ZNF653: variants seen among roughly 807,000 people sequenced by gnomAD.
ZNF653 encodes the protein zinc finger protein 653, also known as 67 kDa zinc finger protein.
ZNF653 carries 37 observed loss-of-function variants against 59.9 expected under a neutral mutation model. That is an observed-to-expected ratio of 0.62 (90% CI 0.48 to 0.81). The LOEUF is 0.81. Among genes scored for constraint, ZNF653 ranks in the 40% least tolerant of loss-of-function variants. ZNF653 has a pLI of 0.00. For synonymous variants in ZNF653, 435 were observed against 371.8 expected, an observed-to-expected ratio of 1.17 and a Z score of -1.96; for missense variants, 808 against 881.1, an observed-to-expected ratio of 0.92 and a Z score of 1.05.
intron 2 of ZNF653, among the ~76,000 whole-genome samples, chr19:11,497,861 G>A (rs981654740): frequency 7.2e-5 from 11 of 152,192 alleles, no homozygotes; most frequent in African/African-American, 2.7e-4. Context: ...AACCTAAGAA[G>A]GGAGGGGCTC....
At chr19:11,501,717 T>C (rs1046513525) in intron 1 of ZNF653, among the ~76,000 whole-genome samples, 1 of 152,094 alleles carries the variant, frequency 6.6e-6, no homozygotes, top group Non-Finnish European at 1.5e-5. Context: ...GGCTGCTGCT[T>C]CTCCCTCACC....
At chr19:11,491,092 C>G (rs1424791135) in intron 3 of ZNF653, among the ~76,000 whole-genome samples, 1 of 152,256 alleles carries the variant, frequency 6.6e-6, no homozygotes, top group Admixed American at 6.5e-5. Context: ...CACCGGCCCC[C>G]TGCCAGGGCC....
At chr19:11,490,252 G>A (rs1406649913) in intron 3 of ZNF653, among the ~76,000 whole-genome samples, 1 of 152,224 alleles carries the variant, frequency 6.6e-6, no homozygotes, top group Non-Finnish European at 1.5e-5. Context: ...AAAGGGAAGA[G>A]ATGCACAGGG....
rs891734599 is a variant in ZNF653, at chr19:11,485,537, G to A, written c.1570+119C>T. On this transcript the variant is annotated intron_variant, in intron 7 of 8. Transcript: ENST00000293771. Reference sequence around the variant, plus strand: ...TGAGGACAGGGAGGAGGCTCCTAGGGGTGTAGTCCTGTGCCCGGAGACCCA... The same window carrying A: ...TGAGGACAGGGAGGAGGCTCCTAGGAGTGTAGTCCTGTGCCCGGAGACCCA... The A allele has an allele frequency of 5.6e-6, 4 of 711,584 alleles. No individual in the cohort carries two copies. In the South Asian group the frequency reaches 6.7e-5, roughly 12 times the overall value. The allele number at this position is 711,584 out of a possible 1,614,324, so 44.1% of individuals were successfully genotyped here. A position where few individuals can be genotyped will look rare whatever the true frequency, so the allele number is the denominator to read the frequency against.
intron 2 of ZNF653, among the ~76,000 whole-genome samples, chr19:11,497,904 A>G (rs72992994): frequency 0.02 from 3,057 of 152,280 alleles, 47 homozygotes; most frequent in African/African-American, 0.044. Context: ...CCTGCTGGAC[A>G]TGGCCTGGGA....
rs71166604 is a variant in ZNF653 at position 11,494,327 on chromosome 19, GATAACATAACATAACATAAC to G, written c.559+1603_559+1622del. Among the ~76,000 whole-genome samples the G allele has an allele frequency of 2.9e-4, 41 of 139,674 alleles. No individual in the cohort carries two copies. In the South Asian group the frequency reaches 3.3e-3, roughly 11 times the overall value. The allele number at this position is 139,674 out of a possible 152,430, so 91.6% of individuals were successfully genotyped here. On this transcript the variant is annotated intron_variant, in intron 3 of 8. Coordinates refer to ENST00000293771, the MANE Select transcript of ZNF653 (RefSeq NM_138783.4). ...ACAGAGACAGAATCTGTCTCAAAAAGATAACATAACATAACATAACATAACATAACATAACATAACATAAC... is the reference window on the plus strand; with the variant it reads ...ACAGAGACAGAATCTGTCTCAAAAAGATAACATAACATAACATAACATAAC...
At chr19:11,494,175 A>C (rs1234581349) in intron 3 of ZNF653, among the ~76,000 whole-genome samples, 1 of 152,056 alleles carries the variant, frequency 6.6e-6, no homozygotes, top group African/African-American at 2.4e-5. Flanking sequence ...TACAAAAATT[A>C]GCTGGGCATG....
intron 3 of ZNF653, among the ~76,000 whole-genome samples, chr19:11,492,282 ATCCACTCACCTTAGCC>A (rs1971537477): frequency 6.6e-6 from 1 of 151,846 alleles, no homozygotes; most frequent in African/African-American, 2.4e-5. Context: ...ACCTCAAGTG[ATCCACTCACCTTAGCC>A]TCCCAAAGTG....
chr19:11,493,416 A>C (rs1971549750), intron 3 of ZNF653, among the ~76,000 whole-genome samples: 1 of 152,148 alleles, frequency 6.6e-6, no homozygotes, highest in South Asian at 2.1e-4. Flanking sequence ...TAGGAGATTA[A>C]AAGTATGTAC....
intron 3 of ZNF653, among the ~76,000 whole-genome samples, chr19:11,493,335 G>A (rs1337622179): frequency 6.6e-6 from 1 of 152,116 alleles, no homozygotes; most frequent in Non-Finnish European, 1.5e-5. Flanking sequence ...TGGGATTACA[G>A]GTGTGAGCCA....
chr19:11,504,707 A>G (rs1971688673), intron 1 of ZNF653: 1 of 313,406 alleles, frequency 3.2e-6, no homozygotes, highest in South Asian at 1.3e-4. Context: ...TACGGAATAA[A>G]CGTCATCCTC....
chr19:11,491,725 C>T (rs907457907), intron 3 of ZNF653, among the ~76,000 whole-genome samples: 2 of 151,972 alleles, frequency 1.3e-5, no homozygotes, highest in African/African-American at 4.8e-5. Context: ...GTAGCTGGGA[C>T]TACAGGTGCC....
chr19:11,499,365 CTG>C (rs1167611567), intron 1 of ZNF653, among the ~76,000 whole-genome samples: 56 of 152,274 alleles, frequency 3.7e-4, no homozygotes, highest in African/African-American at 1.2e-3. Flanking sequence ...GGTTAGGTGA[CTG>C]TGAGTTAATC....
In ZNF653 at chr19:11,495,229, G is replaced by A. The variant is rs1971573770; in HGVS notation, c.559+721C>T. Among the ~76,000 whole-genome samples, 1 of 152,088 alleles carries A rather than the reference G, an allele frequency of 6.6e-6. No individual in the cohort carries two copies. Among genetic ancestry groups the A allele is most frequent in the Non-Finnish European group, 1.5e-5 (1 of 68,004 alleles). On this transcript the variant is annotated intron_variant, in intron 3 of 8. Coordinates refer to ENST00000293771, the MANE Select transcript of ZNF653 (RefSeq NM_138783.4). This position sits in a 1 kb window ranked among gnomAD's most constrained non-coding sequence, Gnocchi z 4.9. ...CGGCAGCCCCCTCACCACTCACCGG[G>A]GCCAACTGAGCCTCCCTCACTGAGT...
At position 11,487,554 on chromosome 19, in the gene ZNF653, C is replaced by T. The variant is rs1277847714; in HGVS notation, c.909G>A (p.Glu303=). 1 of 1,613,966 alleles carries T rather than the reference C, an allele frequency of 6.2e-7. No individual in the cohort carries two copies. The highest frequency in any genetic ancestry group is 8.5e-7 in the Non-Finnish European group (1 of 1,179,990). The change falls in exon 4 of 9, where the codon GAG becomes GAA. Residue 303 remains glutamate, a synonymous_variant. Coordinates refer to ENST00000293771, the MANE Select transcript of ZNF653 (RefSeq NM_138783.4). This position sits in a 1 kb window ranked among gnomAD's most constrained non-coding sequence, Gnocchi z 5.1. ...FENVPQEALG[E]VVASCPMPGM... ...CTGGCATGGGGCAGCTGGCCACCAC[C>T]TCACCCAGGGCCTCCTGGGGCACGT...
chr19:11,487,022 T>C lies in ZNF653; in HGVS notation c.1308A>G (p.Ser436=). The C allele has an allele frequency of 1.9e-6, 3 of 1,614,140 alleles. No homozygotes were observed. Among genetic ancestry groups the C allele is most frequent in the Middle Eastern group, 3.3e-4 (2 of 6,062 alleles). Residue 436 remains serine (S), a synonymous_variant, in exon 5 of 9, where the codon TCA becomes TCG. Transcript: ENST00000293771. This position sits in a 1 kb window ranked among gnomAD's most constrained non-coding sequence, Gnocchi z 5.1. ...CCTTGGGGATTTCATAGATGATGGC[T>C]GACATGTCGCTGCCGTCCAGCTCCT... ...DGEELDGSDM[S]AIIYEIPKEP...
At chr19:11,490,221 G>A (rs115933849) in intron 3 of ZNF653, among the ~76,000 whole-genome samples, 1,745 of 152,302 alleles carry the variant, frequency 0.011, 30 homozygotes, top group African/African-American at 0.04. Flanking sequence ...TTATTACAAA[G>A]GATTCAACTC....
chr19:11,496,156 C>T lies in ZNF653; in HGVS notation c.353G>A (p.Arg118His), dbSNP rs752505806. ...KKPKRKKRRR[R>H]NVNCLKNVVI... ...CACGTTCTTCAGGCAGTTCACGTTG[C>T]GTCGCCGCCCTATGGACACAGGGCC... The change falls in exon 3 of 9, where the codon CGC becomes CAC. Residue 118 changes from arginine (R) to histidine (H), a missense_variant. By Grantham distance (29) the Arg-to-His change is conservative. Transcript: ENST00000293771. 11 of 1,613,640 alleles carry T rather than the reference C, an allele frequency of 6.8e-6. No homozygotes were observed. The highest frequency in any genetic ancestry group is 2.7e-5 in the African/African-American group (2 of 75,032).
At position 11,487,933 on chromosome 19, in the gene ZNF653, T is replaced by G; in HGVS notation, c.560-30A>C. The G allele has an allele frequency of 6.6e-7, 1 of 1,519,882 alleles. No homozygotes were observed. Among genetic ancestry groups the G allele is most frequent in the Non-Finnish European group, 8.8e-7 (1 of 1,135,994 alleles). The allele number at this position is 1,519,882 out of a possible 1,614,324, so 94.1% of individuals were successfully genotyped here. A position where few individuals can be genotyped will look rare whatever the true frequency, so the allele number is the denominator to read the frequency against. Reference sequence around the variant, plus strand: ...GGGGACAGAAGAAAGGGAGTGGTTATGATAGCTGCAGCCACTGGTATTTGT... The same window carrying G: ...GGGGACAGAAGAAAGGGAGTGGTTAGGATAGCTGCAGCCACTGGTATTTGT... On this transcript the variant is annotated intron_variant, in intron 3 of 8. Coordinates refer to ENST00000293771, the MANE Select transcript of ZNF653 (RefSeq NM_138783.4). This position sits in a 1 kb window ranked among gnomAD's most constrained non-coding sequence, Gnocchi z 5.1.
Sources: allele counts gnomAD v4.1 joint callset (sites outside exome capture counted in the v4.1 genomes callset), GRCh38; gene constraint gnomAD v4.1.1; non-coding constraint Gnocchi (gnomAD v3.1); transcripts MANE v1.5; gene names NCBI Gene and HGNC (gene_info 2026-07-23, HGNC 2026-07-21).